ZNF407: variants seen among roughly 807,000 people sequenced by gnomAD.
ZNF407 encodes the protein zinc finger protein 407.
ZNF407 carries 17 observed loss-of-function variants against 131.2 expected under a neutral mutation model. The ratio of observed to expected loss-of-function variants is 0.13; its 90% CI spans 0.09 to 0.19. The LOEUF is 0.19. Ranked by LOEUF, ZNF407 falls within the 10% of genes least tolerant of loss-of-function variation. The probability of loss-of-function intolerance (pLI) is 1.00; values close to 1 mark genes in which losing one functional copy is unlikely to be tolerated. For synonymous variants in ZNF407, 1,156 were observed against 1,062.0 expected (o/e 1.09, Z -1.72); for missense variants, 2,681 against 2,830.6 (o/e 0.95, Z 1.20).
intron 3 of ZNF407, among the ~76,000 whole-genome samples, chr18:74,778,285 TG>T (rs1969516527): frequency 6.6e-6 from 1 of 152,178 alleles, no homozygotes; most frequent in Non-Finnish European, 1.5e-5. Context: ...TTCAGAGGTC[TG>T]TGGTTGTGCT....
At chr18:74,693,218 GT>G (rs1967271855) in intron 3 of ZNF407, among the ~76,000 whole-genome samples, 1 of 152,122 alleles carries the variant, frequency 6.6e-6, no homozygotes, top group Non-Finnish European at 1.5e-5. Context: ...AGTTTATGTG[GT>G]TGCTTTATGA....
At chr18:74,616,557 T>C (rs909326881) in intron 1 of ZNF407, among the ~76,000 whole-genome samples, 1 of 151,934 alleles carries the variant, frequency 6.6e-6, no homozygotes, top group South Asian at 2.1e-4. Flanking sequence ...ACCCGCATTC[T>C]GATTGTTGTT....
At chr18:74,908,461 A>ATC (rs5826356) in intron 7 of ZNF407, among the ~76,000 whole-genome samples, 147,731 of 152,206 alleles carry the variant, frequency 0.97, 71,869 homozygotes, top group East Asian at 1. Context: ...TTCCTAATTG[A>ATC]TGAAATGACA....
At chr18:74,692,070 G>C (rs1967236224) in intron 3 of ZNF407, among the ~76,000 whole-genome samples, 2 of 151,998 alleles carry the variant, frequency 1.3e-5, no homozygotes, top group African/African-American at 4.8e-5. Context: ...CTCCATCCTG[G>C]GTAACAGAGC....
Position 74,632,930 on chromosome 18 carries a change from G to T in ZNF407, c.1911G>T (p.Glu637Asp). The T allele has an allele frequency of 6.2e-7, 1 of 1,613,170 alleles. No homozygotes were observed. Among genetic ancestry groups the T allele is most frequent in the Non-Finnish European group, 8.5e-7 (1 of 1,179,694 alleles). ...ATGTGGAAGAACACAAAGCCACCGA[G>T]AAGCATATTAATTCATTGGTTCAAC... ...EKDVEEHKAT[E>D]KHINSLVQPK... The change falls in exon 2 of 9, where the codon GAG (glutamate) becomes GAT (aspartate). Residue 637 changes from glutamate to aspartate, a missense_variant. Physicochemically the swap from Glu to Asp is conservative, Grantham distance 45. Coordinates refer to ENST00000299687, the MANE Select transcript of ZNF407 (RefSeq NM_017757.3).
chr18:74,732,699 G>C (rs1968321242), intron 3 of ZNF407, among the ~76,000 whole-genome samples: 1 of 152,052 alleles, frequency 6.6e-6, no homozygotes, highest in South Asian at 2.1e-4. Flanking sequence ...TTTTGACTTT[G>C]TTTAAAATGT....
At chr18:74,667,203 C>T (rs1353763213) in intron 3 of ZNF407, among the ~76,000 whole-genome samples, 3 of 152,202 alleles carry the variant, frequency 2.0e-5, no homozygotes, top group Admixed American at 6.5e-5. Flanking sequence ...CTCTGCTCCT[C>T]GTCTGTTTCC....
intron 4 of ZNF407, among the ~76,000 whole-genome samples, chr18:74,783,777 G>A (rs903055247): frequency 6.6e-6 from 1 of 152,080 alleles, no homozygotes; most frequent in Non-Finnish European, 1.5e-5. Context: ...TTCTGGATCA[G>A]TACCTTTTAA....
At chr18:74,674,643 A>C (rs1986283430) in intron 3 of ZNF407, among the ~76,000 whole-genome samples, 1 of 152,174 alleles carries the variant, frequency 6.6e-6, no homozygotes, top group Non-Finnish European at 1.5e-5. Context: ...TAAATGTTGA[A>C]CTACCCCAGG....
chr18:74,845,571 A>G (rs1468480683), intron 4 of ZNF407, among the ~76,000 whole-genome samples: 2 of 152,186 alleles, frequency 1.3e-5, no homozygotes, highest in African/African-American at 2.4e-5. Context: ...AAATTCTACA[A>G]AGTTCATAAT....
intron 8 of ZNF407, among the ~76,000 whole-genome samples, chr18:74,982,911 A>G (rs928303679): frequency 2.0e-5 from 3 of 152,282 alleles, no homozygotes; most frequent in African/African-American, 4.8e-5. Flanking sequence ...AACCCTGTTC[A>G]TTGTTATTCC....
intron 4 of ZNF407, among the ~76,000 whole-genome samples, chr18:74,847,793 T>A (rs960947590): frequency 1.3e-5 from 2 of 152,118 alleles, no homozygotes; most frequent in Non-Finnish European, 2.9e-5. Context: ...TTAAAGAATT[T>A]TTTGTCATTT....
chr18:74,884,035 G>A lies in ZNF407; in HGVS notation c.5128+2916G>A, dbSNP rs143907835. ...CTTACTTAGATTTATGCATCCGTTT[G>A]CCTTTAAAATGACAAAGGATTTCAA... On this transcript the variant is annotated intron_variant, in intron 6 of 8. Coordinates refer to ENST00000299687, the MANE Select transcript of ZNF407 (RefSeq NM_017757.3). 1.2e-3 allele frequency among the ~76,000 whole-genome samples: 184 copies of A among 152,252 alleles called. 3 individuals carry two copies. In the East Asian group the frequency reaches 0.028, roughly 23 times the overall value.
chr18:74,752,116 A>T (rs529126494), intron 3 of ZNF407, among the ~76,000 whole-genome samples: 1 of 152,288 alleles, frequency 6.6e-6, no homozygotes, highest in South Asian at 2.1e-4. Context: ...CATTTCTCTG[A>T]TGGCCAGTGA....
At chr18:74,644,118 CAT>C (rs372650020) in intron 3 of ZNF407, among the ~76,000 whole-genome samples, 97 of 149,690 alleles carry the variant, frequency 6.5e-4, no homozygotes, top group African/African-American at 2.3e-3. Context: ...GTTTTAAGTA[CAT>C]GTTATGGATA....
At chr18:74,973,618 G>A (rs78024684) in intron 8 of ZNF407, among the ~76,000 whole-genome samples, 5,827 of 152,166 alleles carry the variant, frequency 0.038, 342 homozygotes, top group African/African-American at 0.13. Context: ...ACAAACATGC[G>A]ATATGTTTGT....
chr18:74,631,123 C>T lies in ZNF407; in HGVS notation c.104C>T (p.Pro35Leu). The T allele has an allele frequency of 6.2e-7, 1 of 1,613,834 alleles. No homozygotes were observed. Among genetic ancestry groups the T allele is most frequent in the Non-Finnish European group, 8.5e-7 (1 of 1,179,890 alleles). ...TCATCCCATAATGAAGACGGTGGGC[C>T]TGTATCTGATGTGATAGCAAGTTTC... ...KLSSHNEDGGPVSDVIASFPE... is the reference protein window; with the variant it reads ...KLSSHNEDGGLVSDVIASFPE... The change falls in exon 2 of 9, where the codon CCT becomes CTT. Residue 35 changes from proline (P) to leucine (L), a missense_variant. Physicochemically the swap from Pro to Leu is moderately conservative, Grantham distance 98 (BLOSUM62 -3). This residue lies in a region of ZNF407 where 1,789 missense variants were observed against 1,748.7 expected (regional missense o/e 1.02). Transcript: ENST00000299687.
At chr18:74,936,882 A>G (rs1270655727) in intron 8 of ZNF407, among the ~76,000 whole-genome samples, 1 of 152,224 alleles carries the variant, frequency 6.6e-6, no homozygotes, top group Non-Finnish European at 1.5e-5. Flanking sequence ...AATAATTCTC[A>G]AACTTTTTGG....
chr18:74,663,009 G>T (rs2144734474), intron 3 of ZNF407, among the ~76,000 whole-genome samples: 1 of 152,340 alleles, frequency 6.6e-6, no homozygotes, highest in Non-Finnish European at 1.5e-5. Flanking sequence ...GCAGACGGAA[G>T]CTCTGCATAT....
Sources: allele counts gnomAD v4.1 joint callset (sites outside exome capture counted in the v4.1 genomes callset), GRCh38; gene constraint gnomAD v4.1.1; regional missense constraint gnomAD v4.1.1; transcripts MANE v1.5; gene names NCBI Gene and HGNC (gene_info 2026-07-23, HGNC 2026-07-21).